Variants in MSRA observed in about 807,000 individuals in gnomAD.
The protein encoded by MSRA is mitochondrial peptide methionine sulfoxide reductase.
A neutral mutation model predicts 31.3 loss-of-function variants in MSRA; 54 were observed. The ratio of observed to expected loss-of-function variants is 1.73; its 90% confidence interval spans 1.39 to 2.17. MSRA has a LOEUF of 2.17. Among genes scored for constraint, MSRA ranks in the 30% most tolerant of loss-of-function variants. MSRA has a pLI of 0.00. For synonymous variants in MSRA, 169 were observed against 116.5 expected (o/e 1.45, Z -2.90); for missense variants, 507 against 300.9 (o/e 1.69, Z -5.07).
intron 5 of MSRA, among the ~76,000 whole-genome samples, chr8:10,375,906 A>G (rs1805731313): frequency 1.3e-5 from 2 of 152,240 alleles, no homozygotes; most frequent in South Asian, 2.1e-4. Flanking sequence ...TATTAGGTCA[A>G]TACGATCAGT....
At chr8:10,220,408 T>A (rs1371229751) in intron 2 of MSRA, among the ~76,000 whole-genome samples, 1 of 152,192 alleles carries the variant, frequency 6.6e-6, no homozygotes, top group Non-Finnish European at 1.5e-5. Context: ...GACATTACCA[T>A]GAAGAAACTC....
At chr8:10,271,843 C>G (rs893446354) in intron 3 of MSRA, among the ~76,000 whole-genome samples, 3 of 151,814 alleles carry the variant, frequency 2.0e-5, no homozygotes, top group East Asian at 1.9e-4. Flanking sequence ...CTCAGCCTCT[C>G]AAGTAGCTGG....
intron 1 of MSRA, among the ~76,000 whole-genome samples, chr8:10,112,941 A>G (rs758055755): frequency 1.9e-4 from 29 of 152,072 alleles, no homozygotes; most frequent in Non-Finnish European, 3.2e-4. Context: ...AGGAGAGGTC[A>G]TTCCTGACCA....
At chr8:10,226,624 C>T (rs1436912569) in intron 2 of MSRA, among the ~76,000 whole-genome samples, 1 of 152,172 alleles carries the variant, frequency 6.6e-6, no homozygotes, top group African/African-American at 2.4e-5. Flanking sequence ...TGAACAGACA[C>T]ATTTAGGAAA....
intron 3 of MSRA, among the ~76,000 whole-genome samples, chr8:10,257,467 C>T (rs1177356265): frequency 6.6e-6 from 1 of 152,112 alleles, no homozygotes; most frequent in Non-Finnish European, 1.5e-5. Context: ...AGTGCAATGG[C>T]GTGACCTCGG....
chr8:10,096,014 G>C, intron 1 of MSRA: 1 of 1,449,994 alleles, frequency 6.9e-7, no homozygotes, highest in East Asian at 2.6e-5. Flanking sequence ...AATCAAATCA[G>C]AAAGACATCC....
At chr8:10,108,337 C>G (rs79240565) in intron 1 of MSRA, among the ~76,000 whole-genome samples, 1 of 152,114 alleles carries the variant, frequency 6.6e-6, no homozygotes, top group East Asian at 1.9e-4. Flanking sequence ...TTGTTGAGCC[C>G]TCATTAGGTG....
At chr8:10,312,186 A>G (rs1267498548) in intron 4 of MSRA, among the ~76,000 whole-genome samples, 2 of 152,126 alleles carry the variant, frequency 1.3e-5, no homozygotes, top group Non-Finnish European at 2.9e-5. Context: ...AAAGAAATGA[A>G]ATGGGAAGCA....
chr8:10,102,906 G>A (rs1482519049), intron 1 of MSRA, among the ~76,000 whole-genome samples: 1 of 152,112 alleles, frequency 6.6e-6, no homozygotes, highest in South Asian at 2.1e-4. Flanking sequence ...CCTGGACAGT[G>A]TCTCAGCTCT....
intron 5 of MSRA, among the ~76,000 whole-genome samples, chr8:10,366,445 C>T (rs1463813870): frequency 3.3e-5 from 5 of 152,226 alleles, no homozygotes; most frequent in South Asian, 2.1e-4. Flanking sequence ...TTCTTTGAGC[C>T]GGCAGTGGGG....
chr8:10,259,438 A>G (rs1798353149), intron 3 of MSRA, among the ~76,000 whole-genome samples: 1 of 152,202 alleles, frequency 6.6e-6, no homozygotes, highest in Non-Finnish European at 1.5e-5. Flanking sequence ...GTCAGGTGGT[A>G]AAGGACATAC....
intron 5 of MSRA, among the ~76,000 whole-genome samples, chr8:10,406,050 A>T (rs1225686271): frequency 6.6e-6 from 1 of 152,238 alleles, no homozygotes; most frequent in Non-Finnish European, 1.5e-5. Flanking sequence ...CCATGAGCTG[A>T]TGGGGTCAGA....
chr8:10,296,570 T>G (rs1227920084), intron 3 of MSRA, among the ~76,000 whole-genome samples: 1 of 152,190 alleles, frequency 6.6e-6, no homozygotes. Flanking sequence ...ATTTTCCCCA[T>G]GTCATCACGG....
intron 5 of MSRA, among the ~76,000 whole-genome samples, chr8:10,330,685 C>T (rs1468016473): frequency 3.9e-5 from 6 of 152,334 alleles, no homozygotes; most frequent in South Asian, 4.1e-4. Context: ...CCTAGGAACT[C>T]GTCTCCCATT....
intron 5 of MSRA, among the ~76,000 whole-genome samples, chr8:10,338,401 G>A (rs1225457570): frequency 6.6e-6 from 1 of 152,160 alleles, no homozygotes; most frequent in Non-Finnish European, 1.5e-5. Flanking sequence ...AGATCCACAG[G>A]AGGAATAGGG....
intron 1 of MSRA, among the ~76,000 whole-genome samples, chr8:10,080,331 T>TC (rs1398143688): frequency 1.3e-5 from 2 of 151,732 alleles, no homozygotes; most frequent in African/African-American, 4.8e-5. Flanking sequence ...TTTTTTTTTT[T>TC]CCTGAAATTT....
intron 1 of MSRA, among the ~76,000 whole-genome samples, chr8:10,184,462 G>C (rs546427620): frequency 2.6e-5 from 4 of 151,902 alleles, no homozygotes; most frequent in Admixed American, 6.6e-5. Flanking sequence ...TGTTATTCTC[G>C]GTGAAAATAG....
intron 1 of MSRA, among the ~76,000 whole-genome samples, chr8:10,146,108 C>G (rs943314430): frequency 2.0e-5 from 3 of 152,110 alleles, no homozygotes; most frequent in Admixed American, 2.0e-4. Context: ...TTCCTGCTGT[C>G]CAGGAGTGTG....
At chr8:10,095,576 G>A in intron 1 of MSRA, 2 of 986,094 alleles carry the variant, frequency 2.0e-6, no homozygotes, top group Non-Finnish European at 2.4e-6. Flanking sequence ...AAGAGGGAGA[G>A]AGAGAGGCAG....
Sources: gnomAD v4.1 joint callset for allele counts (sites outside exome capture counted in the v4.1 genomes callset) on GRCh38, gnomAD v4.1.1 for gene constraint, MANE v1.5 for transcripts, NCBI Gene and HGNC (gene_info 2026-07-23, HGNC 2026-07-21) for gene names.